The following AFDN variants were observed in gnomAD, a reference collection of about 807,000 sequenced individuals.
AFDN encodes the protein afadin.
Under a neutral mutation model 216.6 loss-of-function variants are expected in AFDN, and 68 were observed. That is an observed-to-expected ratio of 0.31 (90% CI 0.26 to 0.38). The LOEUF is 0.38. Among genes scored for constraint, AFDN ranks in the 10% least tolerant of loss-of-function variants. The pLI is 1.00. For missense variants in AFDN, 2,136 were observed against 2,342.0 expected, an observed-to-expected ratio of 0.91 and a Z score of 1.82; for synonymous variants, 868 against 853.7, an observed-to-expected ratio of 1.02 and a Z score of -0.29.
chr6:167,931,466 G>A (rs1340467641), intron 23 of AFDN, among the ~76,000 whole-genome samples: 2 of 152,112 alleles, frequency 1.3e-5, no homozygotes, highest in Non-Finnish European at 2.9e-5. Flanking sequence ...ATGCTCTGAA[G>A]GAAATAAAGA....
chr6:167,844,543 ATGC>A (rs201615157), intron 1 of AFDN, among the ~76,000 whole-genome samples: 3,012 of 152,308 alleles, frequency 0.02, 55 homozygotes, highest in Non-Finnish European at 0.033. Context: ...TGTTTCAGTA[ATGC>A]TGCTATGAAC....
chr6:167,900,305 A>G (rs1788780022), intron 11 of AFDN, among the ~76,000 whole-genome samples: 1 of 152,158 alleles, frequency 6.6e-6, no homozygotes, highest in South Asian at 2.1e-4. Flanking sequence ...TTCAAATCCT[A>G]CTGATGGTTA....
chr6:167,969,140 G>A lies in AFDN; in HGVS notation c.5284G>A (p.Gly1762Arg). 2 of 1,613,922 alleles carry A rather than the reference G, an allele frequency of 1.2e-6. No individual in the cohort carries two copies. The highest frequency in any genetic ancestry group is 1.7e-6 in the Non-Finnish European group (2 of 1,179,820). ...ACCAAACTCTTACCCAGGATCTACT[G>A]GAGCAGCTGTTGGAGCCCATGACGC... is the stretch of plus-strand genomic sequence containing the variant. ...AGPNSYPGST[G>R]AAVGAHDACR... Residue 1762 changes from glycine to arginine, a missense_variant, in exon 33 of 34, where the codon GGA (glycine) becomes AGA (arginine). Transcript: ENST00000683244.
intron 23 of AFDN, among the ~76,000 whole-genome samples, chr6:167,942,749 T>C (rs1007591170): frequency 6.6e-6 from 1 of 152,208 alleles, no homozygotes; most frequent in Non-Finnish European, 1.5e-5. Flanking sequence ...AAACTATACG[T>C]ATGAAAAGAA....
In AFDN at chr6:167,830,692, C is replaced by T. The variant is rs570542350; in HGVS notation, c.105+3455C>T. Among the ~76,000 whole-genome samples the T allele has an allele frequency of 1.1e-4, 16 of 152,294 alleles. No individual in the cohort carries two copies. In the South Asian group the frequency reaches 3.3e-3, roughly 32 times the overall value. ...AAAAATAACCCAGAATTTATGTGGA[C>T]ACCTACATATGCTTTATTACAGGTG... is the stretch of plus-strand genomic sequence containing the variant. On this transcript the variant is annotated intron_variant, in intron 1 of 33. Coordinates refer to ENST00000683244, the MANE Select transcript of AFDN (RefSeq NM_001386888.1).
rs9364371 is a variant in AFDN at position 167,948,331 on chromosome 6, C to T, written c.3684C>T (p.Ile1228=). 388,811 of 1,612,954 alleles carry T rather than the reference C, an allele frequency of 0.24. 47,719 individuals carry two copies. Among genetic ancestry groups the T allele is most frequent in the East Asian group, 0.33 (14,746 of 44,874 alleles). The change falls in exon 29 of 34, where the codon ATC becomes ATT. Residue 1228 remains isoleucine, a synonymous_variant. Coordinates refer to ENST00000683244, the MANE Select transcript of AFDN (RefSeq NM_001386888.1). ...CGCCTAGACCTGAAGCCTACCCCAT[C>T]CCCACTCAGACGTACACCAGAGAGT... ...TPPPRPEAYP[I]PTQTYTREYF...
rs563909846 is a variant in AFDN, at chr6:167,894,421, T to C, written c.1222+515T>C. On this transcript the variant is annotated intron_variant, in intron 9 of 33. Transcript: ENST00000683244. Reference sequence around the variant, plus strand: ...AGAAATTGACTATTTGTAGAATACTTGTTGAGGAAGGGGAGAAAATTTGGG... The same window carrying C: ...AGAAATTGACTATTTGTAGAATACTCGTTGAGGAAGGGGAGAAAATTTGGG... Among the ~76,000 whole-genome samples, 7 of 152,300 alleles carry C rather than the reference T, an allele frequency of 4.6e-5. No individual in the cohort carries two copies. In the East Asian group the frequency reaches 1.4e-3, roughly 29 times the overall value.
At chr6:167,864,970 T>C in intron 2 of AFDN, 1 of 697,628 alleles carries the variant, frequency 1.4e-6, no homozygotes, top group African/African-American at 1.7e-5. Flanking sequence ...AATGAATATA[T>C]TAATTTTGCA....
intron 6 of AFDN, among the ~76,000 whole-genome samples, chr6:167,887,519 G>A (rs987066887): frequency 4.0e-5 from 6 of 150,428 alleles, no homozygotes; most frequent in African/African-American, 7.3e-5. Context: ...GCAATGGCAC[G>A]ATCTCGGCTC....
At chr6:167,867,238 T>C (rs1298997213) in intron 2 of AFDN, among the ~76,000 whole-genome samples, 1 of 152,212 alleles carries the variant, frequency 6.6e-6, no homozygotes, top group Non-Finnish European at 1.5e-5. Flanking sequence ...GTAAAAATTT[T>C]GCAACAAGAA....
chr6:167,891,662 G>A lies in AFDN; in HGVS notation c.1177+633G>A, dbSNP rs180813969. Among the ~76,000 whole-genome samples, 3 of 152,018 alleles carry A rather than the reference G, an allele frequency of 2.0e-5. No individual in the cohort carries two copies. In the East Asian group the frequency reaches 5.8e-4, roughly 29 times the overall value. ...TAGCCATTGAGTAGAGAAATACGTGGGCATTCTTAAGGAAATGTTTTACAC... is the reference window on the plus strand; with the variant it reads ...TAGCCATTGAGTAGAGAAATACGTGAGCATTCTTAAGGAAATGTTTTACAC... On this transcript the variant is annotated intron_variant, in intron 8 of 33. Transcript: ENST00000683244.
intron 29 of AFDN, among the ~76,000 whole-genome samples, chr6:167,950,635 G>A (rs550960143): frequency 2.6e-5 from 4 of 152,270 alleles, no homozygotes; most frequent in South Asian, 4.1e-4. Context: ...TGGTTACATG[G>A]TTAAGATTTA....
At chr6:167,837,519 T>C (rs1461314133) in intron 1 of AFDN, among the ~76,000 whole-genome samples, 1 of 152,196 alleles carries the variant, frequency 6.6e-6, no homozygotes, top group Non-Finnish European at 1.5e-5. Flanking sequence ...CTGTCAGGAA[T>C]CTAGTTTTTA....
In AFDN at chr6:167,890,909, A is replaced by G. The variant is rs775054118; in HGVS notation, c.1057A>G (p.Lys353Glu). The part of the protein sequence containing the change: ...LKRRPPDHIP[K>E]KTKKHLEGKT... ...GAGGAGGCCACCAGACCACATCCCA[A>G]AGAAAACCAAGAAACACTTGGAAGG... The change falls in exon 8 of 34, where the codon AAG (lysine) becomes GAG (glutamate). Residue 353 changes from lysine to glutamate, a missense_variant. This residue lies in a region of AFDN where 817 missense variants were observed against 965.7 expected (regional missense o/e 0.85). Transcript: ENST00000683244. The G allele has an allele frequency of 3.7e-6, 6 of 1,614,098 alleles. No individual in the cohort carries two copies. The South Asian group carries it at 5.5e-5, about 15-fold the overall frequency.
At chr6:167,929,401 C>A (rs558927161) in intron 23 of AFDN, among the ~76,000 whole-genome samples, 1 of 152,272 alleles carries the variant, frequency 6.6e-6, no homozygotes, top group Non-Finnish European at 1.5e-5. Flanking sequence ...TACATACAGT[C>A]AAAAAGATGG....
chr6:167,896,881 G>A lies in AFDN; in HGVS notation c.1226G>A (p.Gly409Asp), dbSNP rs975833517. Residue 409 changes from glycine (G) to aspartate (D), a missense_variant, in exon 10 of 34, where the codon GGT becomes GAT. By Grantham distance (94) the Gly-to-Asp change is moderately conservative (BLOSUM62 -1). Around this residue, in one of 8 missense-constraint regions of AFDN, gnomAD observed 817 missense variants for 965.7 expected, o/e 0.85. Coordinates refer to ENST00000683244, the MANE Select transcript of AFDN (RefSeq NM_001386888.1). ...TGTCTTCCTTCTCTTCTCACAGATG[G>A]TTCTGACTCTAGAGATAAGCCAAAG... ...AYYNYHTYED[G>D]SDSRDKPKLY... 1 of 1,606,410 alleles carries A rather than the reference G, an allele frequency of 6.2e-7. No homozygotes were observed. Among genetic ancestry groups the A allele is most frequent in the Non-Finnish European group, 8.5e-7 (1 of 1,173,328 alleles).
chr6:167,845,086 T>C (rs1489087482), intron 1 of AFDN, among the ~76,000 whole-genome samples: 1 of 152,100 alleles, frequency 6.6e-6, no homozygotes, highest in Non-Finnish European at 1.5e-5. Flanking sequence ...GGTCTTGAAC[T>C]CTTGGGCTCA....
At position 167,905,283 on chromosome 6, in the gene AFDN, C is replaced by T. The variant is rs148286942; in HGVS notation, c.1651-1888C>T. On this transcript the variant is annotated intron_variant, in intron 12 of 33. Coordinates refer to ENST00000683244, the MANE Select transcript of AFDN (RefSeq NM_001386888.1). ...CTGCAAGTGGGGCTCCTGTTTCATA[C>T]GTCATTGCTGTATTTCTATTGCACT... is the stretch of plus-strand genomic sequence containing the variant. 1.3e-3 allele frequency among the ~76,000 whole-genome samples: 205 copies of T among 152,236 alleles called. 1 individual carries two copies. The highest frequency in any genetic ancestry group is 4.5e-3 in the African/African-American group (189 of 41,540).
chr6:167,932,094 T>C (rs187922457), intron 23 of AFDN, among the ~76,000 whole-genome samples: 2 of 152,316 alleles, frequency 1.3e-5, no homozygotes, highest in East Asian at 3.9e-4. Context: ...GAGTGTGTGG[T>C]ATATGTTTTT....
Sources: allele counts gnomAD v4.1 joint callset (sites outside exome capture counted in the v4.1 genomes callset), GRCh38; gene constraint gnomAD v4.1.1; regional missense constraint gnomAD v4.1.1; transcripts MANE v1.5; gene names NCBI Gene and HGNC (gene_info 2026-07-23, HGNC 2026-07-21).